The following TDRD5 variants were observed in gnomAD, a reference collection of about 807,000 sequenced individuals.
TDRD5 encodes tudor domain-containing protein 5.
A neutral mutation model predicts 120.6 loss-of-function variants in TDRD5; 41 were observed. That is an observed-to-expected ratio of 0.34 (90% CI 0.26 to 0.44). The LOEUF is 0.44. Among genes scored for constraint, TDRD5 ranks in the 20% least tolerant of loss-of-function variants. The pLI is 1.00. For missense variants in TDRD5, 1,006 were observed against 1,221.2 expected (o/e 0.82, Z 2.63); for synonymous variants, 430 against 433.7 (o/e 0.99, Z 0.11).
At chr1:179,683,094 T>C (rs762177878) in intron 17 of TDRD5, among the ~76,000 whole-genome samples, 5 of 152,142 alleles carry the variant, frequency 3.3e-5, no homozygotes, top group Non-Finnish European at 4.4e-5. Context: ...CTTTCTGAGT[T>C]CTGAACTCTG....
At chr1:179,629,493 CT>C (rs1321166375) in intron 6 of TDRD5, among the ~76,000 whole-genome samples, 1 of 152,108 alleles carries the variant, frequency 6.6e-6, no homozygotes, top group Admixed American at 6.6e-5. Context: ...ATAGAAGTCA[CT>C]CAACAACAAA....
intron 4 of TDRD5, among the ~76,000 whole-genome samples, chr1:179,597,375 A>C (rs1254557474): frequency 7.7e-6 from 1 of 130,294 alleles, no homozygotes; most frequent in East Asian, 2.2e-4. Context: ...CTTGTCACCC[A>C]GGCTGGAGTG....
chr1:179,679,904 G>A (rs1442447130), intron 17 of TDRD5, among the ~76,000 whole-genome samples: 1 of 151,804 alleles, frequency 6.6e-6, no homozygotes, highest in Non-Finnish European at 1.5e-5. Context: ...TTTTCAAATT[G>A]AAACCTTAGA....
chr1:179,620,787 A>G (rs1021062446), intron 5 of TDRD5, among the ~76,000 whole-genome samples: 35 of 151,976 alleles, frequency 2.3e-4, no homozygotes, highest in Non-Finnish European at 1.5e-5. Flanking sequence ...ATTTCTGGAG[A>G]GTTGTGGTAT....
At chr1:179,631,002 C>A in intron 7 of TDRD5, 82 bp downstream of exon 7, 3 of 1,331,830 alleles carry the variant, frequency 2.3e-6, no homozygotes, top group Non-Finnish European at 3.1e-6. Flanking sequence ...TAATGCCTAG[C>A]CATGAAATGT....
intron 5 of TDRD5, among the ~76,000 whole-genome samples, chr1:179,620,771 G>A (rs1305007553): frequency 6.6e-6 from 1 of 152,066 alleles, no homozygotes; most frequent in African/African-American, 2.4e-5. Flanking sequence ...TTAAAGAAGT[G>A]CAGGAATTTC....
At chr1:179,662,034 A>G in intron 14 of TDRD5, 70 bp from the exon 15 acceptor site, 1 of 1,391,294 alleles carries the variant, frequency 7.2e-7, no homozygotes, top group Non-Finnish European at 9.4e-7. Flanking sequence ...AAAACTATAA[A>G]ACCTAAATTT....
intron 4 of TDRD5, among the ~76,000 whole-genome samples, chr1:179,609,427 TG>T (rs1676166404): frequency 6.6e-6 from 1 of 152,200 alleles, no homozygotes; most frequent in African/African-American, 2.4e-5. Flanking sequence ...AAGTCAGGTA[TG>T]GGATTTTCCA....
chr1:179,678,398 T>C (rs559304674), intron 17 of TDRD5, among the ~76,000 whole-genome samples: 1 of 152,076 alleles, frequency 6.6e-6, no homozygotes, highest in Non-Finnish European at 1.5e-5. Context: ...TCAGGGGTGA[T>C]CCAGTTTCTT....
chr1:179,596,420 C>A (rs1675393349), intron 4 of TDRD5, among the ~76,000 whole-genome samples: 1 of 152,094 alleles, frequency 6.6e-6, no homozygotes. Context: ...TATACAATCA[C>A]CATCAAAATA....
chr1:179,639,876 G>T lies in TDRD5; in HGVS notation c.1558G>T (p.Val520Phe). Residue 520 changes from valine to phenylalanine, a missense_variant, in exon 10 of 18, where the codon GTC (valine) becomes TTC (phenylalanine). By Grantham distance (50) the Val-to-Phe change is conservative. This residue lies in a region of TDRD5 where 158 missense variants were observed against 257.5 expected (regional missense o/e 0.61). Transcript: ENST00000444136. ...TAATCAGCTGGTTTCTGATCGATAT[G>T]TCATGCCAGAATGTTTTATTCAGCC... ...YSNQLVSDRY[V>F]MPECFIQPGH... is the part of the protein sequence containing the mutation. The T allele has an allele frequency of 6.2e-7, 1 of 1,614,056 alleles. No individual in the cohort carries two copies. Among genetic ancestry groups the T allele is most frequent in the Non-Finnish European group, 8.5e-7 (1 of 1,180,004 alleles).
At chr1:179,648,020 A>C (rs910722252) in intron 11 of TDRD5, among the ~76,000 whole-genome samples, 2 of 152,164 alleles carry the variant, frequency 1.3e-5, no homozygotes, top group Non-Finnish European at 1.5e-5. Flanking sequence ...TAGTTCAACC[A>C]TTGTGGAAGT....
intron 17 of TDRD5, among the ~76,000 whole-genome samples, chr1:179,687,612 C>T (rs1490439828): frequency 6.6e-6 from 1 of 152,094 alleles, no homozygotes. Flanking sequence ...AACTTTCTGT[C>T]TCATTGATCT....
At chr1:179,628,213 T>C (rs971194186) in intron 6 of TDRD5, among the ~76,000 whole-genome samples, 5 of 151,132 alleles carry the variant, frequency 3.3e-5, no homozygotes, top group African/African-American at 1.2e-4. Flanking sequence ...TTTTAAGGCA[T>C]AAATCTAAAC....
At chr1:179,615,659 C>T (rs1004840226) in intron 4 of TDRD5, among the ~76,000 whole-genome samples, 1 of 152,116 alleles carries the variant, frequency 6.6e-6, no homozygotes, top group Non-Finnish European at 1.5e-5. Flanking sequence ...TTCCATTCCA[C>T]ATTATAACTT....
chr1:179,638,616 T>C (rs1190039150), intron 9 of TDRD5, among the ~76,000 whole-genome samples: 1 of 127,710 alleles, frequency 7.8e-6, no homozygotes, highest in East Asian at 2.3e-4. Flanking sequence ...GACACAGTTA[T>C]AGAATCTTGC....
intron 4 of TDRD5, among the ~76,000 whole-genome samples, chr1:179,614,350 A>G (rs1676448669): frequency 6.6e-6 from 1 of 152,166 alleles, no homozygotes; most frequent in African/African-American, 2.4e-5. Context: ...AATGTGCCAT[A>G]ATTTTAAATG....
At chr1:179,657,033 G>T (rs954912201) in intron 14 of TDRD5, among the ~76,000 whole-genome samples, 1 of 152,142 alleles carries the variant, frequency 6.6e-6, no homozygotes, top group Non-Finnish European at 1.5e-5. Flanking sequence ...CTCCAGCCTG[G>T]ACGACAAGAG....
chr1:179,623,714 G>T (rs1265630452), intron 6 of TDRD5, among the ~76,000 whole-genome samples: 3 of 140,602 alleles, frequency 2.1e-5, no homozygotes, highest in Non-Finnish European at 4.5e-5. Flanking sequence ...GGTTACTGCA[G>T]CCTTGAACTC....
Sources: allele counts gnomAD v4.1 joint callset (sites outside exome capture counted in the v4.1 genomes callset), GRCh38; gene constraint gnomAD v4.1.1; regional missense constraint gnomAD v4.1.1; transcripts MANE v1.5; gene names NCBI Gene and HGNC (gene_info 2026-07-23, HGNC 2026-07-21).